DPYD: variants seen among roughly 807,000 people sequenced by gnomAD.
The protein encoded by DPYD is dihydropyrimidine dehydrogenase [NADP(+)].
A neutral mutation model predicts 116.2 loss-of-function variants in DPYD; 109 were observed. The observed-to-expected ratio is 0.94, with a 90% CI of 0.80 to 1.10. DPYD has a LOEUF of 1.10. Ranked by LOEUF, DPYD falls within the 50% of genes least tolerant of loss-of-function variation. The pLI, the probability that DPYD is intolerant of heterozygous loss-of-function variation, is 0.00. For synonymous variants in DPYD, 440 were observed against 432.0 expected, an observed-to-expected ratio of 1.02 and a Z score of -0.23; for missense variants, 1,302 against 1,254.5, an observed-to-expected ratio of 1.04 and a Z score of -0.57.
chr1:97,252,882 C>T lies in DPYD; in HGVS notation c.2300-17888G>A, dbSNP rs2100817311. On this transcript the variant is annotated intron_variant, in intron 18 of 22. Coordinates refer to ENST00000370192, the MANE Select transcript of DPYD (RefSeq NM_000110.4). ...CTGGTATGAAAAAGATCTGCTTTCA[C>T]TCTAGAAGATTATTTATTCATAAAC... 3.3e-5 allele frequency among the ~76,000 whole-genome samples: 5 copies of T among 152,256 alleles called. No individual in the cohort carries two copies. The South Asian group carries it at 1.0e-3, about 32-fold the overall frequency.
chr1:97,282,224 T>C (rs958330239), intron 18 of DPYD, among the ~76,000 whole-genome samples: 2 of 152,108 alleles, frequency 1.3e-5, no homozygotes, highest in African/African-American at 4.8e-5. Context: ...TCATAGACCT[T>C]GATTCTGAAG....
At chr1:97,677,811 T>C (rs1247088256) in intron 8 of DPYD, among the ~76,000 whole-genome samples, 2 of 152,102 alleles carry the variant, frequency 1.3e-5, no homozygotes, top group African/African-American at 4.8e-5. Context: ...AATGGCATTT[T>C]GATAAGAAAA....
At chr1:97,632,828 GT>G (rs1013436942) in intron 8 of DPYD, among the ~76,000 whole-genome samples, 20 of 152,058 alleles carry the variant, frequency 1.3e-4, no homozygotes, top group Admixed American at 5.9e-4. Context: ...TAAAAGATGG[GT>G]TTTTTAAAAG....
intron 8 of DPYD, among the ~76,000 whole-genome samples, chr1:97,627,244 G>A (rs568861550): frequency 6.6e-6 from 1 of 152,062 alleles, no homozygotes; most frequent in Non-Finnish European, 1.5e-5. Context: ...CTGAGATGCA[G>A]ATCCAGGATT....
At chr1:97,255,206 A>T (rs141171657) in intron 18 of DPYD, among the ~76,000 whole-genome samples, 223 of 152,330 alleles carry the variant, frequency 1.5e-3, no homozygotes, top group Non-Finnish European at 2.7e-3. Context: ...GCAAAGCTTC[A>T]GGGACAAAGG....
chr1:97,658,292 G>T (rs1183901125), intron 8 of DPYD, among the ~76,000 whole-genome samples: 1 of 152,036 alleles, frequency 6.6e-6, no homozygotes, highest in African/African-American at 2.4e-5. Flanking sequence ...CCAATTATAG[G>T]AATAATCTTA....
intron 12 of DPYD, among the ~76,000 whole-genome samples, chr1:97,544,628 A>G (rs1650691283): frequency 6.6e-6 from 1 of 151,468 alleles, no homozygotes; most frequent in Non-Finnish European, 1.5e-5. Flanking sequence ...TTTCCAGTAC[A>G]CATTTATTAG....
At chr1:97,102,859 A>T (rs1302838280) in intron 20 of DPYD, among the ~76,000 whole-genome samples, 2 of 152,040 alleles carry the variant, frequency 1.3e-5, no homozygotes, top group Non-Finnish European at 2.9e-5. Flanking sequence ...TCAAGGAATA[A>T]TATGCCAGAC....
intron 20 of DPYD, among the ~76,000 whole-genome samples, chr1:97,181,591 G>A (rs1657646697): frequency 6.6e-6 from 1 of 152,066 alleles, no homozygotes. Context: ...ACAAAACTAA[G>A]CTAGTAAAAT....
At chr1:97,735,710 A>G (rs1192183145) in intron 4 of DPYD, among the ~76,000 whole-genome samples, 1 of 149,194 alleles carries the variant, frequency 6.7e-6, no homozygotes, top group Non-Finnish European at 1.5e-5. Context: ...AAATAAATAA[A>G]TAAATAAATA....
intron 2 of DPYD, among the ~76,000 whole-genome samples, chr1:97,844,383 C>G (rs567943345): frequency 6.6e-6 from 1 of 152,122 alleles, no homozygotes; most frequent in African/African-American, 2.4e-5. Context: ...GTCAATCAAC[C>G]GTGTGATTAC....
chr1:97,450,364 T>G, intron 13 of DPYD, 141 bp from the exon 14 acceptor site: 1 of 833,220 alleles, frequency 1.2e-6, no homozygotes. Context: ...TACATTAAAT[T>G]AGAATTGAAC....
intron 1 of DPYD, among the ~76,000 whole-genome samples, chr1:97,903,365 T>A (rs1296367137): frequency 4.6e-5 from 7 of 152,036 alleles, no homozygotes; most frequent in African/African-American, 7.2e-5. Flanking sequence ...AAATGCAGGT[T>A]ATAGAGCTGG....
intron 8 of DPYD, among the ~76,000 whole-genome samples, chr1:97,612,228 C>T (rs976768312): frequency 4.6e-5 from 7 of 151,846 alleles, no homozygotes; most frequent in Non-Finnish European, 7.4e-5. Context: ...TCATTTCACA[C>T]GATAAAAGAA....
intron 19 of DPYD, among the ~76,000 whole-genome samples, chr1:97,213,168 C>A (rs1218296038): frequency 6.6e-6 from 1 of 152,072 alleles, no homozygotes; most frequent in African/African-American, 2.4e-5. Flanking sequence ...TTACCAAAGG[C>A]CTATCTCTTA....
rs1382641754 is a variant in DPYD at position 97,606,441 on chromosome 1, G to C, written c.851-11275C>G. On this transcript the variant is annotated intron_variant, in intron 8 of 22. Coordinates refer to ENST00000370192, the MANE Select transcript of DPYD (RefSeq NM_000110.4). ...ACAAAGGCACTTCACCTGGACTGCA[G>C]ACAACATTCTAAAGCTGAGTCTTAA... Among the ~76,000 whole-genome samples the C allele has an allele frequency of 3.9e-5, 6 of 151,990 alleles. No individual in the cohort carries two copies. The East Asian group carries it at 1.2e-3, about 29-fold the overall frequency.
At chr1:97,232,086 T>C (rs1160994529) in intron 19 of DPYD, among the ~76,000 whole-genome samples, 2 of 152,234 alleles carry the variant, frequency 1.3e-5, no homozygotes, top group Non-Finnish European at 2.9e-5. Flanking sequence ...TCTTTAGCCA[T>C]TCTTTTGGTT....
chr1:97,439,363 C>T (rs141583587), intron 14 of DPYD, among the ~76,000 whole-genome samples: 5 of 152,200 alleles, frequency 3.3e-5, no homozygotes, highest in East Asian at 1.9e-4. Context: ...AGTAGTTTAG[C>T]GAATCTACTT....
chr1:97,464,333 G>T (rs1047378844), intron 13 of DPYD, among the ~76,000 whole-genome samples: 5 of 151,948 alleles, frequency 3.3e-5, no homozygotes, highest in Non-Finnish European at 7.4e-5. Flanking sequence ...AGAAAATCCC[G>T]TTTTCTGAGG....
Sources: gnomAD v4.1 joint callset for allele counts (sites outside exome capture counted in the v4.1 genomes callset) on GRCh38, gnomAD v4.1.1 for gene constraint, MANE v1.5 for transcripts, NCBI Gene and HGNC (gene_info 2026-07-23, HGNC 2026-07-21) for gene names.